Variants in AOPEP observed in about 807,000 individuals in gnomAD.
The protein encoded by AOPEP is aminopeptidase O.
Under a neutral mutation model 98.1 loss-of-function variants are expected in AOPEP, and 77 were observed. The observed-to-expected ratio is 0.78, with a 90% CI of 0.65 to 0.95. AOPEP has a LOEUF of 0.95. AOPEP is among the 40% of genes least tolerant of loss of function. AOPEP has a pLI of 0.00. For missense variants in AOPEP, 1,024 were observed against 1,024.7 expected, an observed-to-expected ratio of 1.00 and a Z score of 0.01; for synonymous variants, 346 against 365.3, an observed-to-expected ratio of 0.95 and a Z score of 0.60.
chr9:94,748,166 T>C (rs889053935), intron 1 of AOPEP, among the ~76,000 whole-genome samples: 1 of 152,146 alleles, frequency 6.6e-6, no homozygotes, highest in Non-Finnish European at 1.5e-5. Context: ...ACCTGAAAGG[T>C]ATCATTTCAC....
chr9:94,748,706 T>G (rs1042216862), intron 1 of AOPEP, among the ~76,000 whole-genome samples: 2 of 152,232 alleles, frequency 1.3e-5, no homozygotes, highest in African/African-American at 4.8e-5. Flanking sequence ...TGTCAGATTT[T>G]ACTTGTTTTT....
intron 5 of AOPEP, among the ~76,000 whole-genome samples, chr9:94,835,642 T>G (rs2041503410): frequency 6.6e-6 from 1 of 152,262 alleles, no homozygotes; most frequent in Non-Finnish European, 1.5e-5. Context: ...GAAATCTTGC[T>G]CTGTCTCTTT....
intron 5 of AOPEP, among the ~76,000 whole-genome samples, chr9:94,805,651 T>C (rs1472386698): frequency 6.6e-6 from 1 of 152,218 alleles, no homozygotes; most frequent in Non-Finnish European, 1.5e-5. Flanking sequence ...TTAAAAGGTT[T>C]GATTGTGCAA....
At chr9:94,881,063 G>T (rs1318088686) in intron 5 of AOPEP, among the ~76,000 whole-genome samples, 3 of 152,098 alleles carry the variant, frequency 2.0e-5, no homozygotes, top group African/African-American at 7.2e-5. Context: ...TTTAGATGGA[G>T]GTCAGAAGGA....
intron 3 of AOPEP, among the ~76,000 whole-genome samples, chr9:94,776,533 C>G (rs1247793328): frequency 6.6e-6 from 1 of 152,200 alleles, no homozygotes; most frequent in Non-Finnish European, 1.5e-5. Context: ...AACTCCTGAG[C>G]TAAGGCAGTC....
the AOPEP span, among the ~76,000 whole-genome samples, chr9:95,149,200 G>A: frequency 6.6e-6 from 1 of 151,808 alleles, no homozygotes. Flanking sequence ...TTTCAAATAT[G>A]ATAAATATTA....
chr9:95,028,547 A>G (rs1210214160), intron 13 of AOPEP, among the ~76,000 whole-genome samples: 1 of 152,198 alleles, frequency 6.6e-6, no homozygotes, highest in African/African-American at 2.4e-5. Context: ...GGTTTCTGGG[A>G]ATGAGTCTGA....
At chr9:95,025,236 T>C (rs2063751736) in intron 13 of AOPEP, among the ~76,000 whole-genome samples, 1 of 152,236 alleles carries the variant, frequency 6.6e-6, no homozygotes, top group African/African-American at 2.4e-5. Context: ...TGGTCAGAAA[T>C]TCTGGCTTGT....
the AOPEP span, among the ~76,000 whole-genome samples, chr9:95,133,921 T>C: frequency 6.6e-6 from 1 of 152,238 alleles, no homozygotes; most frequent in African/African-American, 2.4e-5. Context: ...CATTTTAAAA[T>C]AAGGTGCATT....
chr9:95,034,875 G>A (rs779942787), intron 13 of AOPEP, among the ~76,000 whole-genome samples: 26 of 152,128 alleles, frequency 1.7e-4, no homozygotes, highest in Admixed American at 3.9e-4. Context: ...TTGATTGATA[G>A]GATTCAGGTT....
chr9:94,949,514 T>C (rs1432070193), intron 7 of AOPEP, among the ~76,000 whole-genome samples: 1 of 152,192 alleles, frequency 6.6e-6, no homozygotes, highest in Non-Finnish European at 1.5e-5. Context: ...ATCTTAGCAA[T>C]TGCCTTTTTC....
intron 5 of AOPEP, among the ~76,000 whole-genome samples, chr9:94,850,412 A>G (rs1018839953): frequency 2.6e-5 from 4 of 152,198 alleles, no homozygotes; most frequent in Non-Finnish European, 5.9e-5. Context: ...AGAAATGACC[A>G]CTAACATTGA....
At chr9:95,014,246 G>A (rs949868799) in intron 13 of AOPEP, among the ~76,000 whole-genome samples, 4 of 151,950 alleles carry the variant, frequency 2.6e-5, no homozygotes, top group African/African-American at 9.7e-5. Context: ...GTGGATGGAT[G>A]GCTTGAGTCT....
the AOPEP span, chr9:95,142,441 T>A: frequency 6.6e-6 from 1 of 152,450 alleles, no homozygotes; most frequent in Non-Finnish European, 1.5e-5. Context: ...TTTATTTTTA[T>A]TTTTTAAAGC....
intron 13 of AOPEP, among the ~76,000 whole-genome samples, chr9:95,043,167 T>C (rs2065487899): frequency 6.6e-6 from 1 of 151,504 alleles, no homozygotes; most frequent in Admixed American, 6.6e-5. Context: ...GTAGTTTTCT[T>C]ACAGCTTCTC....
At position 94,760,145 on chromosome 9, in the gene AOPEP, A is replaced by T; in HGVS notation, c.362A>T (p.His121Leu). The T allele has an allele frequency of 6.2e-7, 1 of 1,614,206 alleles. No homozygotes were observed. The highest frequency in any genetic ancestry group is 1.1e-5 in the South Asian group (1 of 91,088). ...GATGGTAACCATGACAACCAGGAACATGCTTCTGGGATTTCTAGCTCAAAG... is the reference window on the plus strand; with the variant it reads ...GATGGTAACCATGACAACCAGGAACTTGCTTCTGGGATTTCTAGCTCAAAG... ...DKDGNHDNQE[H>L]ASGISSSKYC... Residue 121 changes from histidine to leucine, a missense_variant, in exon 2 of 17, where the codon CAT (histidine) becomes CTT (leucine). His to Leu is a moderately conservative substitution (Grantham distance 99). Around this residue, in one of 3 missense-constraint regions of AOPEP, gnomAD observed 440 missense variants for 433.8 expected, o/e 1.01. Transcript: ENST00000375315.
chr9:94,729,071 CTA>C (rs1829922484), intron 1 of AOPEP, among the ~76,000 whole-genome samples: 1 of 152,082 alleles, frequency 6.6e-6, no homozygotes, highest in Non-Finnish European at 1.5e-5. Context: ...AAGTTGGAGT[CTA>C]TGAATATCTA....
the AOPEP span, among the ~76,000 whole-genome samples, chr9:95,131,838 G>A: frequency 6.6e-6 from 1 of 152,182 alleles, no homozygotes; most frequent in Non-Finnish European, 1.5e-5. Flanking sequence ...CATACTGGGA[G>A]TCTGTGTAAA....
chr9:94,803,988 A>G lies in AOPEP; in HGVS notation c.1364+2986A>G, dbSNP rs1402544166. On this transcript the variant is annotated intron_variant, in intron 5 of 16. Transcript: ENST00000375315. ...GATGTCTGTATGAAGATATGCATGC[A>G]TTTAAAATGCATCTCTGAAGTACAC... 3.3e-5 allele frequency among the ~76,000 whole-genome samples: 5 copies of G among 152,330 alleles called. No homozygotes were observed. In the South Asian group the frequency reaches 1.0e-3, roughly 32 times the overall value.
Sources: gnomAD v4.1 joint callset for allele counts (sites outside exome capture counted in the v4.1 genomes callset) on GRCh38, gnomAD v4.1.1 for gene constraint, gnomAD v4.1.1 regional missense constraint, MANE v1.5 for transcripts, NCBI Gene and HGNC (gene_info 2026-07-23, HGNC 2026-07-21) for gene names.